The following DZANK1 variants were observed in gnomAD, a reference collection of about 807,000 sequenced individuals.
The protein encoded by DZANK1 is double zinc ribbon and ankyrin repeat-containing protein 1.
Under a neutral mutation model 94.5 loss-of-function variants are expected in DZANK1, and 91 were observed. The ratio of observed to expected loss-of-function variants is 0.96; its 90% confidence interval spans 0.81 to 1.15. The LOEUF (loss-of-function observed/expected upper bound fraction) is 1.15, where lower values mean the gene tolerates loss of function less well. Ranked by LOEUF, DZANK1 falls within the 50% of genes most tolerant of loss-of-function variation. The pLI, the probability that DZANK1 is intolerant of heterozygous loss-of-function variation, is 0.00. For synonymous variants in DZANK1, 312 were observed against 325.3 expected (o/e 0.96, Z 0.44); for missense variants, 903 against 916.4 (o/e 0.99, Z 0.19).
exon 9 of DZANK1, chr20:18,433,753 C>T (rs1298799065): frequency 6.2e-7 from 1 of 1,613,942 alleles, no homozygotes; most frequent in Non-Finnish European, 8.5e-7. Flanking sequence ...CTGCATTCTG[C>T]ACACAAGCCC....
intron 7 of DZANK1, among the ~76,000 whole-genome samples, chr20:18,445,388 A>G (rs2058841580): frequency 6.6e-6 from 1 of 152,230 alleles, no homozygotes; most frequent in Admixed American, 6.5e-5. Flanking sequence ...ATTCATAATT[A>G]CAGTCATATA....
chr20:18,431,999 C>T (rs2058305686), intron 9 of DZANK1, among the ~76,000 whole-genome samples: 2 of 152,248 alleles, frequency 1.3e-5, no homozygotes, highest in Admixed American at 6.5e-5. Flanking sequence ...ATAAAAATTG[C>T]CCTGCAAGAA....
chr20:18,450,924 C>T (rs1223646245), intron 6 of DZANK1, among the ~76,000 whole-genome samples: 1 of 152,022 alleles, frequency 6.6e-6, no homozygotes, highest in Non-Finnish European at 1.5e-5. Flanking sequence ...AGTAAGAATG[C>T]ACTGATATGC....
At chr20:18,391,110 G>T (rs562276611) in intron 17 of DZANK1, among the ~76,000 whole-genome samples, 4 of 152,300 alleles carry the variant, frequency 2.6e-5, no homozygotes, top group African/African-American at 9.6e-5. Context: ...AGAATCGCTT[G>T]AATCCAGGAA....
chr20:18,436,785 A>T (rs1277440522), intron 8 of DZANK1, among the ~76,000 whole-genome samples: 1 of 152,192 alleles, frequency 6.6e-6, no homozygotes, highest in Non-Finnish European at 1.5e-5. Context: ...TTATAATCAG[A>T]CTGTTGAAGG....
intron 17 of DZANK1, among the ~76,000 whole-genome samples, chr20:18,392,966 AG>A (rs1600722951): frequency 6.6e-6 from 1 of 152,332 alleles, no homozygotes; most frequent in East Asian, 1.9e-4. Context: ...TGAATAGCTG[AG>A]ATCGCTAGTG....
chr20:18,435,821 T>G (rs2058498547), intron 8 of DZANK1, among the ~76,000 whole-genome samples: 1 of 151,482 alleles, frequency 6.6e-6, no homozygotes, highest in Admixed American at 6.6e-5. Flanking sequence ...GTTTCTTTAC[T>G]TCTCTAATTA....
intron 3 of DZANK1, among the ~76,000 whole-genome samples, chr20:18,459,701 AC>A (rs1401939421): frequency 6.6e-6 from 1 of 152,230 alleles, no homozygotes; most frequent in African/African-American, 2.4e-5. Context: ...CTAATGTCCA[AC>A]AAGTTGAAAT....
chr20:18,458,838 C>G (rs923842752), intron 3 of DZANK1, among the ~76,000 whole-genome samples: 6 of 152,154 alleles, frequency 3.9e-5, no homozygotes, highest in African/African-American at 1.4e-4. Context: ...AGGTTGTTTC[C>G]CCCACCCCAG....
chr20:18,465,444 G>T, intron 1 of DZANK1, 67 bp from the exon 2 acceptor site: 1 of 505,594 alleles, frequency 2.0e-6, no homozygotes, highest in Non-Finnish European at 3.2e-6. Context: ...TAATTTAAAT[G>T]CAGCAAAACT....
Position 18,465,246 on chromosome 20 carries a change from T to C in DZANK1, c.109+4A>G, listed in dbSNP as rs529203881. ...AAACAATTTCAAACATATGTGATTC[T>C]TACCTGATTTCATTTCCAAAAGCGT... On this transcript the variant is annotated splice_donor_region_variant and intron_variant, in intron 2 of 20. Transcript: ENST00000262547. The C allele has an allele frequency of 3.6e-5, 56 of 1,550,494 alleles. No individual in the cohort carries two copies. In the South Asian group the frequency reaches 6.0e-4, roughly 17 times the overall value.
rs147545163 is a variant in DZANK1 at position 18,405,459 on chromosome 20, C to T, written c.1433-6833G>A. On this transcript the variant is annotated intron_variant, in intron 13 of 20. Coordinates refer to ENST00000262547, the Ensembl canonical transcript of DZANK1. ...GAAAAATGAACAGAGCCTAAGAGAC[C>T]CATTGGAAGCTATTGAGCATGCCAA... Among the ~76,000 whole-genome samples, 544 of 151,904 alleles carry T rather than the reference C, an allele frequency of 3.6e-3. 1 individual carries two copies. Among genetic ancestry groups the T allele is most frequent in the Middle Eastern group, 6.8e-3 (2 of 294 alleles).
chr20:18,396,563 A>G lies in DZANK1; in HGVS notation c.1537-17T>C. 1 of 1,604,990 alleles carries G rather than the reference A, an allele frequency of 6.2e-7. No individual in the cohort carries two copies. The highest frequency in any genetic ancestry group is 2.2e-5 in the East Asian group (1 of 44,732). On this transcript the variant is annotated splice_polypyrimidine_tract_variant and intron_variant, in intron 14 of 20. Coordinates refer to ENST00000262547, the Ensembl canonical transcript of DZANK1. Reference sequence around the variant, plus strand: ...AGAGATAAGCTTTTAAAAGAGTTGTAGAGAGAATTCATAACTGTGGGTGTG... The same window carrying G: ...AGAGATAAGCTTTTAAAAGAGTTGTGGAGAGAATTCATAACTGTGGGTGTG...
chr20:18,386,981 C>A (rs1374304143), intron 19 of DZANK1, among the ~76,000 whole-genome samples: 1 of 152,170 alleles, frequency 6.6e-6, no homozygotes, highest in East Asian at 1.9e-4. Context: ...AAGACATACC[C>A]AAGATTGGGC....
At chr20:18,436,178 T>TA (rs1309763167) in intron 8 of DZANK1, among the ~76,000 whole-genome samples, 2 of 152,092 alleles carry the variant, frequency 1.3e-5, no homozygotes, top group Non-Finnish European at 2.9e-5. Context: ...TGATAAAAAT[T>TA]AAAGTATGAT....
At chr20:18,409,740 A>G (rs1021425295) in intron 13 of DZANK1, among the ~76,000 whole-genome samples, 1 of 152,208 alleles carries the variant, frequency 6.6e-6, no homozygotes, top group Non-Finnish European at 1.5e-5. Flanking sequence ...CCTATAACAT[A>G]TAGAAATAAG....
At chr20:18,431,443 T>G (rs2058282612) in intron 9 of DZANK1, among the ~76,000 whole-genome samples, 1 of 152,226 alleles carries the variant, frequency 6.6e-6, no homozygotes, top group African/African-American at 2.4e-5. Context: ...TAAGACTTGC[T>G]GACTTCCCTG....
intron 12 of DZANK1, 199 bp from the exon 13 acceptor site, chr20:18,413,052 G>A (rs1256925360): frequency 6.6e-6 from 4 of 605,466 alleles, no homozygotes; most frequent in Non-Finnish European, 1.1e-5. Flanking sequence ...TCCAGGATTA[G>A]CCATTTATTA....
chr20:18,460,566 A>G (rs1441084952), intron 2 of DZANK1, among the ~76,000 whole-genome samples: 3 of 152,110 alleles, frequency 2.0e-5, no homozygotes, highest in Non-Finnish European at 4.4e-5. Flanking sequence ...CATCTCTACT[A>G]AAAATACAAA....
Sources: gnomAD v4.1 joint callset for allele counts (sites outside exome capture counted in the v4.1 genomes callset) on GRCh38, gnomAD v4.1.1 for gene constraint, MANE v1.5 for transcripts, NCBI Gene and HGNC (gene_info 2026-07-23, HGNC 2026-07-21) for gene names.